Variants in ANO3 observed in about 807,000 individuals in gnomAD.
ANO3 encodes the protein anoctamin-3.
In ANO3, 99 loss-of-function variants were observed where a neutral mutation model predicts 144.8. That is an observed-to-expected ratio of 0.68 (90% CI 0.58 to 0.81). The LOEUF (loss-of-function observed/expected upper bound fraction) is 0.81. Among genes scored for constraint, ANO3 ranks in the 30% least tolerant of loss-of-function variants. The probability of loss-of-function intolerance (pLI) is 0.00; values close to 1 mark genes in which losing one functional copy is unlikely to be tolerated. For synonymous variants in ANO3, 414 were observed against 392.6 expected (o/e 1.05, Z -0.64); for missense variants, 905 against 1,202.2 (o/e 0.75, Z 3.66).
At chr11:26,652,928 A>G (rs1853576633) in intron 24 of ANO3, among the ~76,000 whole-genome samples, 1 of 152,142 alleles carries the variant, frequency 6.6e-6, no homozygotes, top group Non-Finnish European at 1.5e-5. Flanking sequence ...TTCTTAATGT[A>G]CTTTATTCAC....
intron 14 of ANO3, among the ~76,000 whole-genome samples, chr11:26,583,696 G>A (rs1168318497): frequency 1.3e-5 from 2 of 152,176 alleles, no homozygotes; most frequent in East Asian, 3.8e-4. Context: ...TGTTTAGCAA[G>A]GTTTCTGTTT....
At chr11:26,209,849 T>G (rs1331564045) in intron 1 of ANO3, among the ~76,000 whole-genome samples, 1 of 152,018 alleles carries the variant, frequency 6.6e-6, no homozygotes, top group East Asian at 1.9e-4. Flanking sequence ...TGCTTTTTCT[T>G]GTAAATTTGT....
chr11:26,513,378 C>T (rs17309111), intron 5 of ANO3, among the ~76,000 whole-genome samples: 16,880 of 152,090 alleles, frequency 0.11, 1,316 homozygotes, highest in Admixed American at 0.16. Flanking sequence ...GCAGGAGTCC[C>T]AACCAAAGAT....
At chr11:26,229,049 C>T (rs950245000) in intron 1 of ANO3, among the ~76,000 whole-genome samples, 8 of 152,240 alleles carry the variant, frequency 5.3e-5, no homozygotes, top group Middle Eastern at 3.4e-3. Flanking sequence ...TTATGTTGTG[C>T]TACAGCCCAC....
chr11:26,564,480 C>A (rs537755844), intron 14 of ANO3, among the ~76,000 whole-genome samples: 23 of 148,882 alleles, frequency 1.5e-4, no homozygotes, highest in Non-Finnish European at 3.1e-4. Flanking sequence ...AAAAACAAAA[C>A]AAGAATGAAT....
At chr11:26,530,626 C>T (rs1245060072) in intron 7 of ANO3, among the ~76,000 whole-genome samples, 1 of 151,240 alleles carries the variant, frequency 6.6e-6, no homozygotes, top group African/African-American at 2.4e-5. Context: ...TTTGGGAGGC[C>T]GAGGCGGGTG....
intron 1 of ANO3, among the ~76,000 whole-genome samples, chr11:26,317,030 G>A (rs924715122): frequency 5.9e-5 from 9 of 152,084 alleles, no homozygotes; most frequent in Admixed American, 2.0e-4. Flanking sequence ...GCCTGTGGTC[G>A]CATTCAGTGT....
At chr11:26,526,580 C>G (rs576795162) in intron 7 of ANO3, among the ~76,000 whole-genome samples, 13 of 152,004 alleles carry the variant, frequency 8.6e-5, no homozygotes, top group Admixed American at 6.6e-4. Flanking sequence ...GTTTCTTTAC[C>G]AAATAAAATT....
At chr11:26,327,910 G>T (rs756734122), upstream of ANO3, among the ~76,000 whole-genome samples, 4 of 152,136 alleles carry the variant, frequency 2.6e-5, no homozygotes, top group Non-Finnish European at 5.9e-5. Flanking sequence ...TTTCAGCAGG[G>T]TTCTAAGATA....
At chr11:26,222,345 G>C (rs1852163974) in intron 1 of ANO3, among the ~76,000 whole-genome samples, 1 of 152,214 alleles carries the variant, frequency 6.6e-6, no homozygotes, top group Admixed American at 6.5e-5. Context: ...CTCCATCCCT[G>C]TGGCTTTTCA....
chr11:26,202,779 A>T lies in ANO3; in HGVS notation c.154+13449A>T, dbSNP rs11029385. On this transcript the variant is annotated intron_variant, in intron 1 of 27. Transcript: ENST00000672621. Reference sequence around the variant, plus strand: ...ACCCAGAAACCATCAGAAATAGTCAATCATTCCTCTGGATGTCTAGAATTT... The same window carrying T: ...ACCCAGAAACCATCAGAAATAGTCATTCATTCCTCTGGATGTCTAGAATTT... 1.2e-3 allele frequency among the ~76,000 whole-genome samples: 178 copies of T among 152,202 alleles called. 2 individuals carry two copies. In the East Asian group the frequency reaches 0.027, roughly 23 times the overall value.
chr11:26,305,976 CAG>C (rs1437260119), upstream of ANO3, among the ~76,000 whole-genome samples: 1 of 152,092 alleles, frequency 6.6e-6, no homozygotes, highest in Non-Finnish European at 1.5e-5. Context: ...CTTCTTAAGA[CAG>C]AGTCTCGCTT....
At chr11:26,235,948 T>C (rs1852512770) in intron 1 of ANO3, among the ~76,000 whole-genome samples, 1 of 152,174 alleles carries the variant, frequency 6.6e-6, no homozygotes. Flanking sequence ...CTCAATATTA[T>C]GTAGTTAATA....
chr11:26,533,111 A>G (rs1208321973), intron 8 of ANO3, among the ~76,000 whole-genome samples: 3 of 152,196 alleles, frequency 2.0e-5, no homozygotes, highest in Non-Finnish European at 4.4e-5. Context: ...CTAACAAAAT[A>G]GACACATGTG....
intron 18 of ANO3, among the ~76,000 whole-genome samples, chr11:26,630,976 CT>C (rs376791578): frequency 3.2e-4 from 48 of 148,006 alleles, no homozygotes; most frequent in African/African-American, 6.2e-4. Flanking sequence ...TTTACATTTT[CT>C]TTTTTTTTTT....
intron 3 of ANO3, among the ~76,000 whole-genome samples, chr11:26,455,237 G>T (rs987499834): frequency 1.9e-4 from 28 of 150,226 alleles, no homozygotes; most frequent in African/African-American, 6.8e-4. Context: ...AATTAGGCAG[G>T]AGAAGGAAAT....
rs537994399 is a variant in ANO3 at position 26,403,106 on chromosome 11, C to T, written c.47-38812C>T. Among the ~76,000 whole-genome samples the T allele has an allele frequency of 6.6e-5, 10 of 152,000 alleles. No individual in the cohort carries two copies. The East Asian group carries it at 2.0e-3, about 30-fold the overall frequency. On this transcript the variant is annotated intron_variant, in intron 1 of 26. Coordinates refer to ENST00000256737, the MANE Select transcript of ANO3 (RefSeq NM_031418.4). ...CCTACATTCCAGACTTTGCTGACTG[C>T]ATTCTCTTGGTGTGGTTTATCCTGT...
intron 4 of ANO3, among the ~76,000 whole-genome samples, chr11:26,468,992 T>A (rs778989015): frequency 2.0e-5 from 3 of 151,980 alleles, no homozygotes; most frequent in Admixed American, 1.3e-4. Context: ...CTTATTAATC[T>A]TTTTGTCCAT....
intron 1 of ANO3, among the ~76,000 whole-genome samples, chr11:26,415,056 A>ATGTGTGTGTGTGTG (rs149901742): frequency 2.7e-5 from 4 of 145,458 alleles, no homozygotes; most frequent in South Asian, 2.2e-4. Context: ...ATTGGTGTGT[A>ATGTGTGTGTGTGTG]TGTGTGTGTG....
Sources: allele counts gnomAD v4.1 joint callset (sites outside exome capture counted in the v4.1 genomes callset), GRCh38; gene constraint gnomAD v4.1.1; transcripts MANE v1.5; gene names NCBI Gene and HGNC (gene_info 2026-07-23, HGNC 2026-07-21).